Variants in EMC3 observed in about 807,000 individuals in gnomAD.
The protein encoded by EMC3 is 30 kDa protein.
Under a neutral mutation model 36.6 loss-of-function variants are expected in EMC3, and 13 were observed. That is an observed-to-expected ratio of 0.35 (90% CI 0.23 to 0.56). EMC3 has a LOEUF of 0.56. EMC3 is among the 20% of genes least tolerant of loss of function. EMC3 has a pLI of 0.84. For synonymous variants in EMC3, 120 were observed against 111.9 expected, an observed-to-expected ratio of 1.07 and a Z score of -0.46; for missense variants, 220 against 324.5, an observed-to-expected ratio of 0.68 and a Z score of 2.47.
At chr3:10,005,928 TC>T (rs1378402624) in intron 1 of EMC3, among the ~76,000 whole-genome samples, 1 of 152,160 alleles carries the variant, frequency 6.6e-6, no homozygotes, top group East Asian at 1.9e-4. Context: ...CTTTCCACCT[TC>T]CCTCTCTCAC....
At chr3:9,968,865 C>A (rs1313490329) in intron 7 of EMC3, 1 of 150,692 alleles carries the variant, frequency 6.6e-6, no homozygotes, top group Admixed American at 6.6e-5. Flanking sequence ...GTTGCCCAGG[C>A]TGGAGTGCAA....
At chr3:10,002,289 T>TTATGTTATGTTATGTTATGTTATGTTATG (rs1559359506) in intron 1 of EMC3, among the ~76,000 whole-genome samples, 13 of 150,416 alleles carry the variant, frequency 8.6e-5, no homozygotes, top group African/African-American at 2.9e-4. Context: ...TTTATTTTAT[T>TTATGTTATGTTATGTTATGTTATGTTATG]TTATTTTATT....
intron 5 of EMC3, among the ~76,000 whole-genome samples, chr3:9,971,084 G>C (rs1040579434): frequency 6.6e-6 from 1 of 152,044 alleles, no homozygotes; most frequent in Non-Finnish European, 1.5e-5. Flanking sequence ...CACCATGCCT[G>C]GCTAATTTTT....
chr3:9,986,364 A>C (rs1352144527), intron 1 of EMC3, 143 bp downstream of exon 1: 27 of 909,902 alleles, frequency 3.0e-5, no homozygotes, highest in Non-Finnish European at 6.7e-6. Context: ...CACAGAGGAC[A>C]AAAGTGAAAC....
chr3:9,993,531 T>C (rs1369942453), intron 1 of EMC3, among the ~76,000 whole-genome samples: 3 of 152,000 alleles, frequency 2.0e-5, no homozygotes, highest in Admixed American at 6.6e-5. Context: ...TCTTATTTCA[T>C]CTAGCAGTTC....
intron 7 of EMC3, among the ~76,000 whole-genome samples, chr3:9,965,315 T>G (rs1006031219): frequency 6.6e-6 from 1 of 151,854 alleles, no homozygotes; most frequent in Non-Finnish European, 1.5e-5. Flanking sequence ...GTACCAGTAC[T>G]GAGGCTGAGG....
At chr3:9,973,572 G>A (rs2085811387) in intron 5 of EMC3, 56 bp downstream of exon 5, 21 of 1,500,002 alleles carry the variant, frequency 1.4e-5, no homozygotes, top group Middle Eastern at 3.4e-4. Flanking sequence ...TGATCCTCCC[G>A]CCTTGGCTTC....
At chr3:9,989,931 T>C (rs1332816485), upstream of EMC3, among the ~76,000 whole-genome samples, 1 of 151,998 alleles carries the variant, frequency 6.6e-6, no homozygotes, top group East Asian at 1.9e-4. Context: ...AAAATTTGTT[T>C]TTTCTTTTTT....
chr3:9,975,815 G>GAAA (rs56879267), intron 3 of EMC3, among the ~76,000 whole-genome samples: 11 of 88,028 alleles, frequency 1.2e-4, no homozygotes, highest in Admixed American at 1.3e-4. Context: ...CCTTTCTGAA[G>GAAA]AAAAAAAAAA....
At chr3:9,986,942 T>C, upstream of EMC3, 2 of 1,210,294 alleles carry the variant, frequency 1.7e-6, no homozygotes, top group Non-Finnish European at 2.1e-6. Context: ...TGGCCCAGGC[T>C]CGGTGGCTCA....
Position 9,998,340 on chromosome 3 carries a change from G to A in EMC3, c.-241-11438C>T, listed in dbSNP as rs936262888. Among the ~76,000 whole-genome samples, 5 of 148,890 alleles carry A rather than the reference G, an allele frequency of 3.4e-5. No homozygotes were observed. In the Admixed American group the frequency reaches 3.4e-4, roughly 10 times the overall value. ...GAGATTGCGCCACTGCACTCCAGCC[G>A]GGGCAACAGAGCGAGACTCTGTCTC... is the stretch of plus-strand genomic sequence containing the variant. On this transcript the variant is annotated intron_variant, in intron 1 of 8. Transcript: ENST00000470827.
chr3:9,972,712 G>T (rs983187077), intron 5 of EMC3, among the ~76,000 whole-genome samples: 4 of 151,604 alleles, frequency 2.6e-5, no homozygotes, highest in African/African-American at 9.7e-5. Context: ...GGAGGTTGCA[G>T]TGATATCGCA....
chr3:9,998,978 G>A (rs951813026), intron 1 of EMC3, among the ~76,000 whole-genome samples: 44 of 152,136 alleles, frequency 2.9e-4, no homozygotes, highest in African/African-American at 1.0e-3. Context: ...GACTGGTCTC[G>A]AACTTTTGAG....
rs376251151 is a variant in EMC3, at chr3:9,986,711, C to T, written c.-50G>A. 5 of 1,606,562 alleles carry T rather than the reference C, an allele frequency of 3.1e-6. No homozygotes were observed. The highest frequency in any genetic ancestry group is 1.3e-5 in the African/African-American group (1 of 74,710). On this transcript the variant is annotated 5_prime_UTR_variant, in exon 1 of 8. Coordinates refer to ENST00000245046, the MANE Select transcript of EMC3 (RefSeq NM_001394674.1). ...CTGGAATGGGCGAGCTTCTCTTCTCCGGGGCACAGTTGCTTCTCTTCGGCT... is the reference window on the plus strand; with the variant it reads ...CTGGAATGGGCGAGCTTCTCTTCTCTGGGGCACAGTTGCTTCTCTTCGGCT...
intron 7 of EMC3, chr3:9,969,329 A>C (rs2124900922): frequency 1.8e-6 from 2 of 1,106,508 alleles, no homozygotes; most frequent in South Asian, 4.2e-5. Flanking sequence ...AATCATACTA[A>C]ATTTTGCAAA....
intron 1 of EMC3, among the ~76,000 whole-genome samples, chr3:9,992,585 T>A (rs1156369799): frequency 6.6e-6 from 1 of 152,244 alleles, no homozygotes; most frequent in Non-Finnish European, 1.5e-5. Context: ...AGTTGGCAAG[T>A]GATTGAATCT....
At chr3:9,990,327 T>C (rs867975313), upstream of EMC3, among the ~76,000 whole-genome samples, 6 of 130,780 alleles carry the variant, frequency 4.6e-5, no homozygotes, top group South Asian at 4.7e-4. Flanking sequence ...GCCTTTCTCT[T>C]TTTTTTTTTT....
intron 1 of EMC3, chr3:10,004,444 G>C (rs971885997): frequency 6.6e-6 from 1 of 152,170 alleles, no homozygotes; most frequent in Admixed American, 6.5e-5. Context: ...ACCTTGTTTT[G>C]GAACAAACAA....
Position 9,969,793 on chromosome 3 carries a change from G to C in EMC3, c.583C>G (p.Gln195Glu), listed in dbSNP as rs1256255753. 2.5e-6 allele frequency: 4 copies of C among 1,613,336 alleles called. No individual in the cohort carries two copies. The change falls in exon 7 of 8, where the codon CAA (glutamine) becomes GAA (glutamate). Residue 195 changes from glutamine (Q) to glutamate (E), a missense_variant. Gln to Glu is a conservative substitution (Grantham distance 29). This residue lies in a region of EMC3 where 56 missense variants were observed against 117.0 expected (regional missense o/e 0.48). Coordinates refer to ENST00000245046, the MANE Select transcript of EMC3 (RefSeq NM_001394674.1). ...ATCTGCTCCTGCATCATTCGTGATT[G>C]GTCAGCGGCTGTAGCATAAGACACA... ...LILGQDNAAD[Q>E]SRMMQEQMTG...
Sources: gnomAD v4.1 joint callset for allele counts (sites outside exome capture counted in the v4.1 genomes callset) on GRCh38, gnomAD v4.1.1 for gene constraint, gnomAD v4.1.1 regional missense constraint, MANE v1.5 for transcripts, NCBI Gene and HGNC (gene_info 2026-07-23, HGNC 2026-07-21) for gene names.